MACROH2A2: variants seen among roughly 807,000 people sequenced by gnomAD.
The protein encoded by MACROH2A2 is core histone macro-H2A.2.
In MACROH2A2, 6 loss-of-function variants were observed where a neutral mutation model predicts 37.6. The ratio of observed to expected loss-of-function variants is 0.16; its 90% CI spans 0.09 to 0.32. The LOEUF (loss-of-function observed/expected upper bound fraction) is 0.32, where lower values mean the gene tolerates loss of function less well. MACROH2A2 is among the 10% of genes least tolerant of loss of function. The probability of loss-of-function intolerance (pLI) is 1.00; values close to 1 mark genes in which losing one functional copy is unlikely to be tolerated. For missense variants in MACROH2A2, 290 were observed against 485.9 expected, an observed-to-expected ratio of 0.60 and a Z score of 3.79; for synonymous variants, 192 against 202.7, an observed-to-expected ratio of 0.95 and a Z score of 0.45.
intron 8 of MACROH2A2, among the ~76,000 whole-genome samples, 174 bp from the exon 9 acceptor site, chr10:70,111,344 C>A (rs1369553145): frequency 6.6e-6 from 1 of 152,082 alleles, no homozygotes; most frequent in Admixed American, 6.5e-5. Context: ...AAAGTGGGGG[C>A]AACATGCCCC....
intron 1 of MACROH2A2, among the ~76,000 whole-genome samples, chr10:70,055,458 G>A (rs1385086913): frequency 6.6e-6 from 1 of 152,106 alleles, no homozygotes; most frequent in East Asian, 1.9e-4. Context: ...TGCTCAGACT[G>A]GTCTCGAAAT....
intron 7 of MACROH2A2, among the ~76,000 whole-genome samples, chr10:70,104,623 C>T (rs1047895900): frequency 3.3e-5 from 5 of 152,032 alleles, no homozygotes; most frequent in Non-Finnish European, 5.9e-5. Flanking sequence ...TGCAGTGAGC[C>T]GAGATCACGC....
Position 70,091,881 on chromosome 10 carries a change from G to A in MACROH2A2, c.404G>A (p.Arg135Lys). 6.2e-7 allele frequency: 1 copy of A among 1,614,108 alleles called. No individual in the cohort carries two copies. The highest frequency in any genetic ancestry group is 8.5e-7 in the Non-Finnish European group (1 of 1,180,008). ...ATCCTCTCCCCACCCCCAGAGAAAA[G>A]AGGCAGGAAGGCCACGTCAGGCAAG... ...ETILSPPPEK[R>K]GRKATSGKKG... is the part of the protein sequence containing the mutation. Residue 135 changes from arginine to lysine, a missense_variant, in exon 4 of 9, where the codon AGA becomes AAA. Coordinates refer to ENST00000373255, the MANE Select transcript of MACROH2A2 (RefSeq NM_018649.3).
chr10:70,111,029 G>A (rs1306884009), intron 8 of MACROH2A2, among the ~76,000 whole-genome samples: 1 of 152,184 alleles, frequency 6.6e-6, no homozygotes. Flanking sequence ...AGCACTTTGG[G>A]AGGCCGAGGC....
chr10:70,075,438 C>G lies in MACROH2A2; in HGVS notation c.-59-162C>G, dbSNP rs1341905251. 6.6e-6 allele frequency among the ~76,000 whole-genome samples: 1 copy of G among 152,156 alleles called. No homozygotes were observed. Among genetic ancestry groups the G allele is most frequent in the African/African-American group, 2.4e-5 (1 of 41,424 alleles). ...GGGCTTGCCCATGCCCTTCAGAGAC[C>G]CCATGCCTGACTCCGTGCCTCCTGC... On this transcript the variant is annotated intron_variant, in intron 1 of 8. Transcript: ENST00000373255. The surrounding 1 kb of genome is among the most constrained non-coding windows in gnomAD (Gnocchi z 5.0).
intron 3 of MACROH2A2, 46 bp downstream of exon 3, chr10:70,090,212 C>T (rs185218384): frequency 1.6e-6 from 2 of 1,252,804 alleles, no homozygotes; most frequent in East Asian, 2.3e-5. Context: ...GTTTGCCAAA[C>T]ATGCTAATGT....
At chr10:70,090,277 C>A in intron 3 of MACROH2A2, 111 bp downstream of exon 3, 1 of 701,278 alleles carries the variant, frequency 1.4e-6, no homozygotes, top group South Asian at 1.7e-5. Context: ...TACATTTATA[C>A]AAAAAAAACT....
chr10:70,056,580 T>G (rs2136613255), intron 1 of MACROH2A2, among the ~76,000 whole-genome samples: 1 of 152,224 alleles, frequency 6.6e-6, no homozygotes, highest in South Asian at 2.1e-4. Context: ...ACTACAGTAG[T>G]TTGTAAAGGG....
At chr10:70,059,432 G>T (rs1458065709) in intron 1 of MACROH2A2, among the ~76,000 whole-genome samples, 1 of 151,496 alleles carries the variant, frequency 6.6e-6, no homozygotes, top group Non-Finnish European at 1.5e-5. Flanking sequence ...GAGTGCAGTG[G>T]CGTGGTCTTG....
At chr10:70,054,052 G>T (rs568156637) in intron 1 of MACROH2A2, among the ~76,000 whole-genome samples, 3 of 152,090 alleles carry the variant, frequency 2.0e-5, no homozygotes, top group East Asian at 1.9e-4. Context: ...CCTTTCCTTG[G>T]GGGGGCGCCC....
chr10:70,111,196 G>T (rs1027279460), intron 8 of MACROH2A2, among the ~76,000 whole-genome samples: 27 of 152,048 alleles, frequency 1.8e-4, no homozygotes, highest in African/African-American at 6.0e-4. Flanking sequence ...TTGAACCCGG[G>T]AGGTGGAGGT....
chr10:70,091,688 A>AAG lies in MACROH2A2; in HGVS notation c.280-68_280-67insGA, dbSNP rs1293783938. 9.1e-5 allele frequency: 103 copies of AAG among 1,128,598 alleles called. No individual in the cohort carries two copies. In the Middle Eastern group the frequency reaches 1.0e-3, roughly 11 times the overall value. The allele number at this position is 1,128,598 out of a possible 1,614,324, so 69.9% of individuals were successfully genotyped here. ...GATTCTGTATCAAAAAAAAAAAAAA[A>AAG]AAAGAACTGTATGAAATTGGGAACT... On this transcript the variant is annotated intron_variant, in intron 3 of 8. Transcript: ENST00000373255.
intron 1 of MACROH2A2, among the ~76,000 whole-genome samples, chr10:70,062,440 C>T (rs2072055306): frequency 6.6e-6 from 1 of 152,188 alleles, no homozygotes; most frequent in African/African-American, 2.4e-5. Flanking sequence ...AGGGATGACA[C>T]TGTGAATTTC....
chr10:70,056,440 G>A (rs569314791), intron 1 of MACROH2A2, among the ~76,000 whole-genome samples: 6 of 152,192 alleles, frequency 3.9e-5, no homozygotes, highest in South Asian at 2.1e-4. Context: ...CACCATGCCC[G>A]GCCAAGTTCT....
chr10:70,095,899 C>G, intron 6 of MACROH2A2, 146 bp downstream of exon 6: 1 of 539,120 alleles, frequency 1.9e-6, no homozygotes, highest in South Asian at 2.8e-5. Flanking sequence ...AACAGTTTCA[C>G]TAGAGAGAAG....
intron 1 of MACROH2A2, among the ~76,000 whole-genome samples, chr10:70,055,144 C>A (rs2072007045): frequency 6.6e-6 from 1 of 152,234 alleles, no homozygotes; most frequent in South Asian, 2.1e-4. Flanking sequence ...ACAACCACAT[C>A]TGTTTTCACT....
chr10:70,094,158 G>T (rs1246177424), intron 5 of MACROH2A2, among the ~76,000 whole-genome samples: 3 of 146,158 alleles, frequency 2.1e-5, no homozygotes, highest in Admixed American at 1.4e-4. Context: ...TTCTACATCT[G>T]CCAAAAAAAA....
rs1436374427 is a variant in MACROH2A2, at chr10:70,072,701, A to G, written c.-59-2899A>G. On this transcript the variant is annotated intron_variant, in intron 1 of 8. Transcript: ENST00000373255. ...GCCAGGTGTGGTGGCTCACACCTGTAATCCCACCACTTTGGGAGGCTGAGG... is the reference window on the plus strand; with the variant it reads ...GCCAGGTGTGGTGGCTCACACCTGTGATCCCACCACTTTGGGAGGCTGAGG... Among the ~76,000 whole-genome samples the G allele has an allele frequency of 3.9e-5, 6 of 152,126 alleles. No homozygotes were observed. In the East Asian group the frequency reaches 9.6e-4, roughly 24 times the overall value.
chr10:70,080,616 T>A (rs1450195498), intron 2 of MACROH2A2, among the ~76,000 whole-genome samples: 1 of 151,856 alleles, frequency 6.6e-6, no homozygotes, highest in Non-Finnish European at 1.5e-5. Flanking sequence ...GCACGGTGGC[T>A]CAAACCTGTA....
Sources: allele counts gnomAD v4.1 joint callset (sites outside exome capture counted in the v4.1 genomes callset), GRCh38; gene constraint gnomAD v4.1.1; non-coding constraint Gnocchi (gnomAD v3.1); transcripts MANE v1.5; gene names NCBI Gene and HGNC (gene_info 2026-07-23, HGNC 2026-07-21).